The following SLCO4C1 variants were observed in gnomAD, a reference collection of about 807,000 sequenced individuals.
SLCO4C1 encodes solute carrier organic anion transporter family member 4C1, also known as organic anion transporter M1.
Under a neutral mutation model 72.1 loss-of-function variants are expected in SLCO4C1, and 58 were observed. That is an observed-to-expected ratio of 0.80 (90% confidence interval 0.65 to 1.00). SLCO4C1 has a LOEUF of 1.00. Among genes scored for constraint, SLCO4C1 ranks in the 50% least tolerant of loss-of-function variants. The pLI is 0.00. For synonymous variants in SLCO4C1, 297 were observed against 312.5 expected (o/e 0.95, Z 0.52); for missense variants, 898 against 857.9 (o/e 1.05, Z -0.58).
chr5:102,236,770 T>A lies in SLCO4C1; in HGVS notation c.*88A>T. 3 of 1,285,192 alleles carry A rather than the reference T, an allele frequency of 2.3e-6. No individual in the cohort carries two copies. The highest frequency in any genetic ancestry group is 3.3e-6 in the Non-Finnish European group (3 of 911,224). 79.6% of individuals were successfully genotyped at this position (1,285,192 alleles called of 1,614,324 possible). A position where few individuals can be genotyped will look rare whatever the true frequency, so the allele number is the denominator to read the frequency against. On this transcript the variant is annotated 3_prime_UTR_variant, in exon 13 of 13. Transcript: ENST00000310954. ...AATTTTGTAAATATGATTGTCCATA[T>A]TGGATAGATAATCCTGCCATGGCAA... is the stretch of plus-strand genomic sequence containing the variant.
intron 2 of SLCO4C1, among the ~76,000 whole-genome samples, chr5:102,273,835 G>T (rs1469893606): frequency 6.6e-6 from 1 of 152,058 alleles, no homozygotes; most frequent in Non-Finnish European, 1.5e-5. Flanking sequence ...TGAATTTTGT[G>T]AGATTATTAG....
At position 102,289,734 on chromosome 5, in the gene SLCO4C1, A is replaced by G. The variant is rs1170917484; in HGVS notation, c.619+1609T>C. Among the ~76,000 whole-genome samples, 9 of 152,232 alleles carry G rather than the reference A, an allele frequency of 5.9e-5. No homozygotes were observed. The East Asian group carries it at 1.7e-3, about 29-fold the overall frequency. ...CTTGTCCAATCTCAGATAATGTGCT[A>G]GAATCTATGTAAGTGCTCTCTCTGC... On this transcript the variant is annotated intron_variant, in intron 2 of 12. Coordinates refer to ENST00000310954, the MANE Select transcript of SLCO4C1 (RefSeq NM_180991.5).
At chr5:102,264,707 T>A (rs1561373640) in intron 3 of SLCO4C1, among the ~76,000 whole-genome samples, 1 of 151,938 alleles carries the variant, frequency 6.6e-6, no homozygotes, top group Non-Finnish European at 1.5e-5. Context: ...CAGTGCTATA[T>A]AGAACACCAG....
intron 1 of SLCO4C1, 33 bp from the exon 2 acceptor site, chr5:102,291,639 A>G (rs1749554749): frequency 2.0e-6 from 3 of 1,524,658 alleles, no homozygotes; most frequent in Non-Finnish European, 2.7e-6. Context: ...TGCATCATTA[A>G]TATTTTACCA....
intron 2 of SLCO4C1, among the ~76,000 whole-genome samples, chr5:102,276,513 G>A (rs1580261394): frequency 6.6e-6 from 1 of 152,166 alleles, no homozygotes; most frequent in African/African-American, 2.4e-5. Flanking sequence ...CTATCATGCA[G>A]TTCTTGTTCC....
At position 102,296,248 on chromosome 5, in the gene SLCO4C1, T is replaced by G; in HGVS notation, c.15A>C (p.Lys5Asn). 6.5e-7 allele frequency: 1 copy of G among 1,541,898 alleles called. No individual in the cohort carries two copies. The highest frequency in any genetic ancestry group is 8.7e-7 in the Non-Finnish European group (1 of 1,145,720). The change falls in exon 1 of 13, where the codon AAA (lysine) becomes AAC (asparagine). Residue 5 changes from lysine to asparagine, a missense_variant. Coordinates refer to ENST00000310954, the MANE Select transcript of SLCO4C1 (RefSeq NM_180991.5). ...GGACAAAAGCCAAGTTCTCAATACC[T>G]TTGGCGCTCTTCATGTCTGGATGGG... MKSAKGIENLAFVPS... is the reference protein window; with the variant it reads MKSANGIENLAFVPS...
chr5:102,266,344 T>C (rs1749038194), intron 3 of SLCO4C1, among the ~76,000 whole-genome samples: 1 of 152,150 alleles, frequency 6.6e-6, no homozygotes, highest in South Asian at 2.1e-4. Flanking sequence ...CCATGTTGAA[T>C]AAGAGTGATG....
chr5:102,281,065 ATATAAG>A (rs969554371), intron 2 of SLCO4C1, among the ~76,000 whole-genome samples: 16 of 152,306 alleles, frequency 1.1e-4, no homozygotes, highest in East Asian at 3.9e-4. Flanking sequence ...TTCAAGACTT[ATATAAG>A]TATAATAGTC....
intron 8 of SLCO4C1, among the ~76,000 whole-genome samples, chr5:102,250,574 GC>G (rs1196341175): frequency 2.0e-5 from 3 of 152,204 alleles, no homozygotes; most frequent in African/African-American, 7.2e-5. Context: ...TCAGTAATAT[GC>G]TAAGTGTGGT....
chr5:102,246,616 T>C (rs1435606093), intron 10 of SLCO4C1, among the ~76,000 whole-genome samples: 1 of 151,392 alleles, frequency 6.6e-6, no homozygotes, highest in Non-Finnish European at 1.5e-5. Context: ...GAGCTTAAAA[T>C]AAAAATTAAA....
At position 102,237,025 on chromosome 5, in the gene SLCO4C1, G is replaced by GA. The variant is rs553799669; in HGVS notation, c.2015-8dup. The GA allele has an allele frequency of 1.1e-3, 1,645 of 1,469,222 alleles. No individual in the cohort carries two copies. The highest frequency in any genetic ancestry group is 5.6e-3 in the African/African-American group (387 of 68,612). The allele number at this position is 1,469,222 out of a possible 1,614,324, so 91.0% of individuals were successfully genotyped here. A position where few individuals can be genotyped will look rare whatever the true frequency, so the allele number is the denominator to read the frequency against. On this transcript the variant is annotated splice_polypyrimidine_tract_variant and splice_region_variant and intron_variant, in intron 12 of 12. Coordinates refer to ENST00000310954, the MANE Select transcript of SLCO4C1 (RefSeq NM_180991.5). ...ATAACTTTACAAGTAACACCTAAGT[G>GA]AAAAAAAAAATTAATCATGTGCTTT...
intron 2 of SLCO4C1, among the ~76,000 whole-genome samples, chr5:102,288,689 T>A (rs709370): frequency 0.74 from 111,869 of 152,090 alleles, 41,369 homozygotes; most frequent in African/African-American, 0.81. Flanking sequence ...CAAAACGGAC[T>A]ATTCCTAAAA....
chr5:102,259,611 C>T (rs1403797295), intron 6 of SLCO4C1, among the ~76,000 whole-genome samples: 2 of 152,066 alleles, frequency 1.3e-5, no homozygotes, highest in African/African-American at 4.8e-5. Flanking sequence ...ACTTTTATAA[C>T]ACTAAATAGA....
intron 1 of SLCO4C1, among the ~76,000 whole-genome samples, chr5:102,292,173 A>T (rs766825366): frequency 6.6e-6 from 1 of 152,174 alleles, no homozygotes; most frequent in Non-Finnish European, 1.5e-5. Flanking sequence ...GTGTCCAACA[A>T]GACTGATGCT....
At chr5:102,283,864 AT>A (rs1484209453) in intron 2 of SLCO4C1, among the ~76,000 whole-genome samples, 1 of 152,136 alleles carries the variant, frequency 6.6e-6, no homozygotes. Context: ...GGCTAAAAAA[AT>A]GGAACATTAA....
chr5:102,257,916 T>A, intron 7 of SLCO4C1, 27 bp downstream of exon 7: 1 of 1,577,366 alleles, frequency 6.3e-7, no homozygotes, highest in Non-Finnish European at 8.6e-7. Flanking sequence ...GTAAAATTTT[T>A]AGGTTAAGAT....
intron 2 of SLCO4C1, among the ~76,000 whole-genome samples, chr5:102,287,369 T>C (rs1749473094): frequency 6.6e-6 from 1 of 152,038 alleles, no homozygotes; most frequent in South Asian, 2.1e-4. Flanking sequence ...TTAAAATCAT[T>C]CAATATAGTT....
intron 10 of SLCO4C1, among the ~76,000 whole-genome samples, chr5:102,245,142 G>A (rs958812098): frequency 6.6e-6 from 1 of 152,032 alleles, no homozygotes; most frequent in Non-Finnish European, 1.5e-5. Flanking sequence ...AAAAAGCCAG[G>A]GGACAAAGTT....
rs1346054823 is a variant in SLCO4C1 at position 102,236,832 on chromosome 5, G to A, written c.*26C>T. The stretch of plus-strand genomic sequence containing the variant: ...AAAAATCGAGGTAAATTTTCCAGGT[G>A]TAAAACAGTCTTCTCTTTTCCCATT... On this transcript the variant is annotated 3_prime_UTR_variant, in exon 13 of 13. Coordinates refer to ENST00000310954, the MANE Select transcript of SLCO4C1 (RefSeq NM_180991.5). 6.2e-7 allele frequency: 1 copy of A among 1,606,836 alleles called. No individual in the cohort carries two copies.
Sources: gnomAD v4.1 joint callset for allele counts (sites outside exome capture counted in the v4.1 genomes callset) on GRCh38, gnomAD v4.1.1 for gene constraint, MANE v1.5 for transcripts, NCBI Gene and HGNC (gene_info 2026-07-23, HGNC 2026-07-21) for gene names.